TENM2: variants seen among roughly 807,000 people sequenced by gnomAD.
TENM2 encodes teneurin-2.
TENM2 carries 52 observed loss-of-function variants against 245.2 expected under a neutral mutation model. That is an observed-to-expected ratio of 0.21 (90% confidence interval 0.17 to 0.27). The LOEUF is 0.27. Ranked by LOEUF, TENM2 falls within the 10% of genes least tolerant of loss-of-function variation. The pLI is 1.00. For synonymous variants in TENM2, 1,363 were observed against 1,438.9 expected (o/e 0.95, Z 1.19); for missense variants, 3,046 against 3,666.8 (o/e 0.83, Z 4.37).
intron 2 of TENM2, among the ~76,000 whole-genome samples, chr5:167,494,315 A>G (rs1002082648): frequency 6.6e-6 from 1 of 152,244 alleles, no homozygotes; most frequent in East Asian, 1.9e-4. Context: ...GTAAAAAAAA[A>G]CTTACCTAAA....
chr5:167,457,698 A>T (rs1342579114), intron 2 of TENM2, among the ~76,000 whole-genome samples: 1 of 152,178 alleles, frequency 6.6e-6, no homozygotes, highest in Non-Finnish European at 1.5e-5. Flanking sequence ...ATGCAAAATG[A>T]CAAAGTACTT....
At chr5:167,094,746 C>G in the TENM2 span, among the ~76,000 whole-genome samples, 4 of 152,184 alleles carry the variant, frequency 2.6e-5, no homozygotes, top group South Asian at 2.1e-4. Context: ...ATCTAATGTA[C>G]GGGCTGGGAA....
chr5:168,205,075 C>G (rs1762249997), intron 19 of TENM2, among the ~76,000 whole-genome samples: 1 of 152,184 alleles, frequency 6.6e-6, no homozygotes, highest in African/African-American at 2.4e-5. Context: ...TCTGGCCAGC[C>G]TAGGTAGATT....
chr5:167,585,952 G>A (rs530567206), intron 2 of TENM2, among the ~76,000 whole-genome samples: 8 of 151,828 alleles, frequency 5.3e-5, no homozygotes, highest in East Asian at 3.9e-4. Flanking sequence ...TGGCGAAACC[G>A]CATCTCTACA....
At chr5:167,240,508 G>T in the TENM2 span, among the ~76,000 whole-genome samples, 2 of 152,080 alleles carry the variant, frequency 1.3e-5, no homozygotes, top group African/African-American at 2.4e-5. Flanking sequence ...AAAACAGACA[G>T]CCCAACTCTA....
intron 1 of TENM2, among the ~76,000 whole-genome samples, chr5:167,360,572 A>T (rs1759652272): frequency 6.6e-6 from 1 of 152,118 alleles, no homozygotes; most frequent in Non-Finnish European, 1.5e-5. Flanking sequence ...ATGACATAAC[A>T]ATGTATGTTA....
the TENM2 span, among the ~76,000 whole-genome samples, chr5:167,236,951 T>C: frequency 3.3e-5 from 5 of 152,162 alleles, no homozygotes; most frequent in African/African-American, 9.7e-5. Flanking sequence ...TTCTTTCTTT[T>C]TCCTAAGTAA....
intron 19 of TENM2, among the ~76,000 whole-genome samples, chr5:168,205,466 A>G (rs1338183904): frequency 6.6e-6 from 1 of 152,190 alleles, no homozygotes; most frequent in Non-Finnish European, 1.5e-5. Context: ...ATAACAGAGT[A>G]AGAAACAGGA....
intron 6 of TENM2, among the ~76,000 whole-genome samples, chr5:168,052,122 G>A (rs1220275409): frequency 6.6e-6 from 1 of 151,936 alleles, no homozygotes; most frequent in Admixed American, 6.6e-5. Context: ...AATAGGCCAG[G>A]TGCAGTGGCT....
chr5:167,122,890 G>C, the TENM2 span, among the ~76,000 whole-genome samples: 4 of 152,076 alleles, frequency 2.6e-5, no homozygotes, highest in Admixed American at 6.6e-5. Flanking sequence ...TTCTCAATGA[G>C]GCAAATTCAC....
the TENM2 span, among the ~76,000 whole-genome samples, chr5:167,214,593 T>C: frequency 8.3e-3 from 1,261 of 152,338 alleles, 17 homozygotes; most frequent in Non-Finnish European, 0.011. Context: ...TCTTCAGCTA[T>C]CTATCTCGGT....
intron 5 of TENM2, among the ~76,000 whole-genome samples, chr5:168,034,461 G>A (rs967655734): frequency 1.3e-5 from 2 of 151,926 alleles, no homozygotes; most frequent in Non-Finnish European, 2.9e-5. Flanking sequence ...GCCAAGCGTG[G>A]TGGCTCATAC....
intron 2 of TENM2, among the ~76,000 whole-genome samples, chr5:167,866,459 C>G (rs1211270093): frequency 6.8e-6 from 1 of 147,428 alleles, no homozygotes; most frequent in African/African-American, 2.5e-5. Context: ...GATGGCACCA[C>G]TGCACTCCAG....
intron 3 of TENM2, among the ~76,000 whole-genome samples, chr5:167,935,344 C>G (rs1028881609): frequency 5.9e-5 from 9 of 152,132 alleles, no homozygotes; most frequent in African/African-American, 1.9e-4. Flanking sequence ...AGTTCCCAGC[C>G]CCATCATTTA....
intron 2 of TENM2, among the ~76,000 whole-genome samples, chr5:167,485,592 T>C (rs1423845382): frequency 6.6e-6 from 1 of 152,008 alleles, no homozygotes; most frequent in Admixed American, 6.6e-5. Flanking sequence ...GGCAGGGAAA[T>C]ATATACCTTC....
rs764718730 is a variant in TENM2, at chr5:167,783,715, C to T, written c.503-92271C>T. Among the ~76,000 whole-genome samples, 10 of 152,092 alleles carry T rather than the reference C, an allele frequency of 6.6e-5. 1 individual carries two copies. The highest frequency in any genetic ancestry group is 4.1e-4 in the South Asian group (2 of 4,820). ...AATCATTGTGTTGTTTTTAGCATTA[C>T]GAAACCATCAGCCAGTATCTGAAGG... On this transcript the variant is annotated intron_variant, in intron 2 of 28. Transcript: ENST00000518659.
At chr5:167,901,208 C>T (rs1775679745) in intron 3 of TENM2, among the ~76,000 whole-genome samples, 1 of 151,990 alleles carries the variant, frequency 6.6e-6, no homozygotes, top group Non-Finnish European at 1.5e-5. Context: ...TTCTCACACG[C>T]TTTTTCAGTT....
At chr5:167,141,982 T>A in the TENM2 span, among the ~76,000 whole-genome samples, 1 of 152,010 alleles carries the variant, frequency 6.6e-6, no homozygotes, top group Non-Finnish European at 1.5e-5. Flanking sequence ...TCATTATCAA[T>A]GACAAGTAGT....
At chr5:167,105,258 A>G in the TENM2 span, among the ~76,000 whole-genome samples, 7 of 152,198 alleles carry the variant, frequency 4.6e-5, no homozygotes, top group Non-Finnish European at 7.3e-5. Flanking sequence ...TCTCAAAAAA[A>G]TTCAAGTGTT....
Sources: allele counts gnomAD v4.1 joint callset (sites outside exome capture counted in the v4.1 genomes callset), GRCh38; gene constraint gnomAD v4.1.1; transcripts MANE v1.5; gene names NCBI Gene and HGNC (gene_info 2026-07-23, HGNC 2026-07-21).